Variants in CCSER1 observed in about 807,000 individuals in gnomAD.
The protein encoded by CCSER1 is coiled-coil serine rich protein 1.
Under a neutral mutation model 82.0 loss-of-function variants are expected in CCSER1, and 41 were observed. That is an observed-to-expected ratio of 0.50 (90% CI 0.39 to 0.65). The LOEUF is 0.65. CCSER1 is among the 30% of genes least tolerant of loss of function. The pLI is 0.00. For missense variants in CCSER1, 1,119 were observed against 1,064.2 expected, an observed-to-expected ratio of 1.05 and a Z score of -0.72; for synonymous variants, 414 against 383.9, an observed-to-expected ratio of 1.08 and a Z score of -0.92.
intron 10 of CCSER1, among the ~76,000 whole-genome samples, chr4:91,331,445 C>T (rs1746946629): frequency 6.6e-6 from 1 of 152,090 alleles, no homozygotes; most frequent in Admixed American, 6.6e-5. Context: ...CTTTTAGCCT[C>T]ATCTTGTTTC....
chr4:90,479,098 TTC>T (rs2153596483), intron 5 of CCSER1, among the ~76,000 whole-genome samples: 1 of 152,276 alleles, frequency 6.6e-6, no homozygotes, highest in Admixed American at 6.5e-5. Flanking sequence ...TGTGAAATCA[TTC>T]TTTTTTTTTT....
At chr4:91,565,852 T>C (rs902515442) in intron 10 of CCSER1, among the ~76,000 whole-genome samples, 1 of 152,170 alleles carries the variant, frequency 6.6e-6, no homozygotes, top group Non-Finnish European at 1.5e-5. Flanking sequence ...TAGTTTGACT[T>C]CCTGTCTTCC....
chr4:90,348,255 C>A (rs1016386947), intron 3 of CCSER1, among the ~76,000 whole-genome samples: 6 of 152,042 alleles, frequency 3.9e-5, no homozygotes, highest in Admixed American at 2.0e-4. Flanking sequence ...AACTTGTACA[C>A]CTGAACTTAA....
At chr4:90,891,306 ATATATT>A in intron 8 of CCSER1, among the ~76,000 whole-genome samples, 1 of 151,850 alleles carries the variant, frequency 6.6e-6, no homozygotes, top group African/African-American at 2.4e-5. Flanking sequence ...GGCTAATCAA[ATATATT>A]TATATAATGT....
chr4:90,412,980 A>C (rs555159674), intron 4 of CCSER1, among the ~76,000 whole-genome samples: 1 of 149,492 alleles, frequency 6.7e-6, no homozygotes, highest in African/African-American at 2.5e-5. Flanking sequence ...AGAAATAAAG[A>C]GCATCCAAAT....
At chr4:91,235,020 C>T (rs1441496136) in intron 10 of CCSER1, among the ~76,000 whole-genome samples, 1 of 151,808 alleles carries the variant, frequency 6.6e-6, no homozygotes, top group Admixed American at 6.6e-5. Context: ...AATCTTGGTT[C>T]CGTCCTATCT....
intron 4 of CCSER1, among the ~76,000 whole-genome samples, chr4:90,465,315 G>C (rs1259393305): frequency 1.4e-5 from 2 of 146,202 alleles, no homozygotes; most frequent in Admixed American, 1.4e-4. Flanking sequence ...AGCACTTTCC[G>C]TGTTCTTTTT....
chr4:90,804,035 C>T lies in CCSER1; in HGVS notation c.2011-11727C>T, dbSNP rs185433167. Among the ~76,000 whole-genome samples, 3 of 152,230 alleles carry T rather than the reference C, an allele frequency of 2.0e-5. No homozygotes were observed. In the East Asian group the frequency reaches 5.8e-4, roughly 29 times the overall value. On this transcript the variant is annotated intron_variant, in intron 7 of 10. Transcript: ENST00000509176. ...CTTTTGAGAAATGTCTGTTCATATC[C>T]TTTGCCCACTTTTTGATGGGGTTGT...
chr4:90,218,415 C>T (rs1303828813), intron 1 of CCSER1, among the ~76,000 whole-genome samples: 3 of 152,040 alleles, frequency 2.0e-5, no homozygotes, highest in African/African-American at 4.8e-5. Flanking sequence ...CAGCATCACA[C>T]GGTGTTTACT....
intron 5 of CCSER1, among the ~76,000 whole-genome samples, chr4:90,578,394 G>C (rs1218339897): frequency 2.0e-5 from 3 of 152,036 alleles, no homozygotes; most frequent in Middle Eastern, 6.8e-3. Context: ...TTGACTCATG[G>C]CCCCTTTCTG....
intron 5 of CCSER1, among the ~76,000 whole-genome samples, chr4:90,626,106 G>A (rs1723215217): frequency 6.6e-6 from 1 of 152,092 alleles, no homozygotes; most frequent in Admixed American, 6.5e-5. Flanking sequence ...TAGAGCCATG[G>A]ACAGGAGCCC....
chr4:91,475,568 A>G (rs1473021671), intron 10 of CCSER1, among the ~76,000 whole-genome samples: 1 of 151,922 alleles, frequency 6.6e-6, no homozygotes, highest in Non-Finnish European at 1.5e-5. Flanking sequence ...CACTTAATTT[A>G]GTAAAAGTTG....
intron 5 of CCSER1, among the ~76,000 whole-genome samples, chr4:90,590,889 A>C (rs1782610003): frequency 6.6e-6 from 1 of 152,216 alleles, no homozygotes; most frequent in Admixed American, 6.5e-5. Context: ...TACTTTGGGC[A>C]GTATGGCCAT....
intron 10 of CCSER1, among the ~76,000 whole-genome samples, chr4:91,522,938 C>T (rs1211581122): frequency 1.3e-5 from 2 of 152,140 alleles, no homozygotes; most frequent in Non-Finnish European, 2.9e-5. Flanking sequence ...GAGAGGGCAT[C>T]CCTGTCTTGT....
chr4:91,085,078 T>G (rs967597511), intron 9 of CCSER1, among the ~76,000 whole-genome samples: 1 of 151,590 alleles, frequency 6.6e-6, no homozygotes, highest in Non-Finnish European at 1.5e-5. Context: ...AGAAACATAA[T>G]AGGTCTAGTG....
chr4:90,231,814 C>T (rs1744615539), intron 1 of CCSER1, among the ~76,000 whole-genome samples: 1 of 151,386 alleles, frequency 6.6e-6, no homozygotes, highest in Non-Finnish European at 1.5e-5. Context: ...CACAAGCATT[C>T]TTATACACCA....
chr4:91,538,429 C>A (rs1489337928), intron 10 of CCSER1, among the ~76,000 whole-genome samples: 1 of 151,374 alleles, frequency 6.6e-6, no homozygotes, highest in Non-Finnish European at 1.5e-5. Flanking sequence ...AGATTTTCTT[C>A]ATGACCAAAA....
rs1721275070 is a variant in CCSER1 at position 90,881,313 on chromosome 4, C to T, written c.2095-42057C>T. ...AGAGGCAGAGACTGAGACAGACAGA[C>T]AGACAGAGAGAGAGAGAGGGGGGAA... On this transcript the variant is annotated intron_variant, in intron 8 of 10. Coordinates refer to ENST00000509176, the MANE Select transcript of CCSER1 (RefSeq NM_001145065.2). 2.6e-5 allele frequency among the ~76,000 whole-genome samples: 4 copies of T among 151,820 alleles called. No individual in the cohort carries two copies. The South Asian group carries it at 6.3e-4, about 24-fold the overall frequency.
chr4:90,995,389 G>A (rs892471260), intron 9 of CCSER1, among the ~76,000 whole-genome samples: 1 of 152,110 alleles, frequency 6.6e-6, no homozygotes, highest in Admixed American at 6.6e-5. Flanking sequence ...TATGTATGCA[G>A]TTTGTGTCTG....
Sources: gnomAD v4.1 joint callset for allele counts (sites outside exome capture counted in the v4.1 genomes callset) on GRCh38, gnomAD v4.1.1 for gene constraint, MANE v1.5 for transcripts, NCBI Gene and HGNC (gene_info 2026-07-23, HGNC 2026-07-21) for gene names.